Variants in PLCL2 observed in about 807,000 individuals in gnomAD.
PLCL2 encodes the protein inactive phospholipase C-like protein 2.
Under a neutral mutation model 79.6 loss-of-function variants are expected in PLCL2, and 4 were observed. That is an observed-to-expected ratio of 0.05 (90% CI 0.02 to 0.11). The LOEUF (loss-of-function observed/expected upper bound fraction) is 0.11, where lower values mean the gene tolerates loss of function less well. PLCL2 is among the 10% of genes least tolerant of loss of function. The pLI is 1.00. For missense variants in PLCL2, 895 were observed against 1,291.0 expected (o/e 0.69, Z 4.70); for synonymous variants, 484 against 457.7 (o/e 1.06, Z -0.73).
intron 4 of PLCL2, among the ~76,000 whole-genome samples, chr3:17,043,365 C>A (rs1412290929): frequency 6.6e-6 from 1 of 152,106 alleles, no homozygotes. Context: ...GAGATGGATT[C>A]CAGTTACAAC....
At position 16,886,974 on chromosome 3, in the gene PLCL2, A is replaced by C. The variant is rs1246178499; in HGVS notation, c.327+1608A>C. Among the ~76,000 whole-genome samples the C allele has an allele frequency of 6.6e-6, 1 of 152,202 alleles. No individual in the cohort carries two copies. Among genetic ancestry groups the C allele is most frequent in the Non-Finnish European group, 1.5e-5 (1 of 68,044 alleles). The stretch of plus-strand genomic sequence containing the variant: ...ACTTGTTTTTGCATTAAAAAATCAA[A>C]CTTTATTAGTGTCCATAGTGAGATT... On this transcript the variant is annotated intron_variant, in intron 1 of 5. Coordinates refer to ENST00000615277, the MANE Select transcript of PLCL2 (RefSeq NM_001144382.2). The surrounding 1 kb of genome is among the most constrained non-coding windows in gnomAD (Gnocchi z 4.2).
Position 16,975,620 on chromosome 3 carries a change from G to A in PLCL2, c.328-34054G>A, listed in dbSNP as rs183573380. ...TGATGCTCAGACACAGGCCCATACT[G>A]GAATTATACCATGGCGGTTCTTCCA... On this transcript the variant is annotated intron_variant, in intron 1 of 5. Transcript: ENST00000615277. Among the ~76,000 whole-genome samples the A allele has an allele frequency of 3.3e-3, 496 of 152,254 alleles. 2 individuals are homozygous for A. Among genetic ancestry groups the A allele is most frequent in the Middle Eastern group, 0.017 (5 of 294 alleles).
At chr3:17,081,038 A>G in intron 5 of PLCL2, 1 of 383,748 alleles carries the variant, frequency 2.6e-6, no homozygotes. Flanking sequence ...TTTGCTGTTC[A>G]GACTCTACCC....
intron 1 of PLCL2, among the ~76,000 whole-genome samples, chr3:16,935,886 G>A (rs950472180): frequency 6.6e-6 from 1 of 152,218 alleles, no homozygotes; most frequent in African/African-American, 2.4e-5. Flanking sequence ...GATCCAGATT[G>A]TAAAATATTG....
intron 1 of PLCL2, among the ~76,000 whole-genome samples, chr3:16,953,808 T>C (rs2063674747): frequency 6.6e-6 from 1 of 152,140 alleles, no homozygotes; most frequent in African/African-American, 2.4e-5. Flanking sequence ...TGCACCATTG[T>C]ATCTTTTATA....
intron 1 of PLCL2, among the ~76,000 whole-genome samples, chr3:16,942,542 T>C (rs2063561338): frequency 6.6e-6 from 1 of 152,166 alleles, no homozygotes; most frequent in East Asian, 1.9e-4. Context: ...TGCGGGATGC[T>C]CCTTTAAGGG....
chr3:16,898,728 C>A (rs1418920797), intron 1 of PLCL2, among the ~76,000 whole-genome samples: 1 of 152,176 alleles, frequency 6.6e-6, no homozygotes, highest in Non-Finnish European at 1.5e-5. Flanking sequence ...TAAAGCTGTC[C>A]CCAGATACAG....
At chr3:16,902,485 G>T (rs544521604) in intron 1 of PLCL2, among the ~76,000 whole-genome samples, 43 of 152,248 alleles carry the variant, frequency 2.8e-4, no homozygotes, top group Middle Eastern at 3.4e-3. Flanking sequence ...AAGAACATGG[G>T]CTGAACTGAA....
intron 5 of PLCL2, among the ~76,000 whole-genome samples, chr3:17,072,788 C>G (rs1345948042): frequency 6.6e-6 from 1 of 151,938 alleles, no homozygotes; most frequent in Non-Finnish European, 1.5e-5. Context: ...ACTATAATTG[C>G]CATGTCACTT....
rs189128352 is a variant in PLCL2, at chr3:17,076,946, T to G, written c.3204+8881T>G. ...TAATTTCAAATTTGTCATGTTTCTG[T>G]TCATGCTAGTCATATCCTCTACCTT... On this transcript the variant is annotated intron_variant, in intron 5 of 5. Coordinates refer to ENST00000615277, the MANE Select transcript of PLCL2 (RefSeq NM_001144382.2). Among the ~76,000 whole-genome samples, 150 of 152,360 alleles carry G rather than the reference T, an allele frequency of 9.8e-4. 1 individual carries two copies. The highest frequency in any genetic ancestry group is 1.9e-3 in the Non-Finnish European group (130 of 68,036).
chr3:16,911,210 G>A (rs1000487555), intron 1 of PLCL2, among the ~76,000 whole-genome samples: 1 of 141,768 alleles, frequency 7.1e-6, no homozygotes, highest in Non-Finnish European at 1.5e-5. Flanking sequence ...CCGAGATAGC[G>A]CCACTGTATT....
intron 3 of PLCL2, among the ~76,000 whole-genome samples, chr3:17,022,319 T>G (rs137869345): frequency 1.1e-3 from 172 of 152,104 alleles, no homozygotes; most frequent in African/African-American, 4.0e-3. Flanking sequence ...AGTAGAGGAG[T>G]TACTTCCTAT....
At chr3:17,061,768 A>G (rs1215169771) in intron 4 of PLCL2, among the ~76,000 whole-genome samples, 1 of 152,196 alleles carries the variant, frequency 6.6e-6, no homozygotes, top group East Asian at 1.9e-4. Flanking sequence ...CATTATAGCT[A>G]TAAAGCAAAA....
chr3:16,967,546 G>A (rs1351774755), intron 1 of PLCL2, among the ~76,000 whole-genome samples: 2 of 151,780 alleles, frequency 1.3e-5, no homozygotes, highest in East Asian at 3.9e-4. Flanking sequence ...TATGCTTGTT[G>A]GCCACCTATG....
At chr3:16,905,194 C>T (rs930782716) in intron 1 of PLCL2, among the ~76,000 whole-genome samples, 40 of 152,178 alleles carry the variant, frequency 2.6e-4, no homozygotes, top group African/African-American at 9.4e-4. Context: ...CCACAGAAGG[C>T]CCCAGGGTGT....
At chr3:16,892,643 G>A (rs1271194887) in intron 1 of PLCL2, among the ~76,000 whole-genome samples, 1 of 152,140 alleles carries the variant, frequency 6.6e-6, no homozygotes, top group Non-Finnish European at 1.5e-5. Context: ...GTAGGAGTGC[G>A]ATCTCTAATT....
intron 1 of PLCL2, among the ~76,000 whole-genome samples, chr3:16,998,730 C>T (rs890900631): frequency 6.6e-6 from 1 of 152,102 alleles, no homozygotes; most frequent in African/African-American, 2.4e-5. Context: ...AATGCTTTGC[C>T]AAAAGAGTGT....
At chr3:16,967,970 C>T (rs1043413576) in intron 1 of PLCL2, among the ~76,000 whole-genome samples, 30 of 152,132 alleles carry the variant, frequency 2.0e-4, no homozygotes, top group Admixed American at 5.9e-4. Flanking sequence ...CAGTTTCAAT[C>T]TTCTGCATAT....
chr3:16,994,380 T>A (rs576632032), intron 1 of PLCL2, among the ~76,000 whole-genome samples: 1 of 152,196 alleles, frequency 6.6e-6, no homozygotes, highest in South Asian at 2.1e-4. Context: ...TAAAAAAAAA[T>A]GGAGCTTACT....
Sources: allele counts gnomAD v4.1 joint callset (sites outside exome capture counted in the v4.1 genomes callset), GRCh38; gene constraint gnomAD v4.1.1; non-coding constraint Gnocchi (gnomAD v3.1); transcripts MANE v1.5; gene names NCBI Gene and HGNC (gene_info 2026-07-23, HGNC 2026-07-21).